The following CHAF1B variants were observed in gnomAD, a reference collection of about 807,000 sequenced individuals.
CHAF1B encodes CAF-1 subunit B.
CHAF1B carries 10 observed loss-of-function variants against 60.7 expected under a neutral mutation model. The ratio of observed to expected loss-of-function variants is 0.16; its 90% CI spans 0.10 to 0.28. CHAF1B has a LOEUF of 0.28. CHAF1B is among the 10% of genes least tolerant of loss of function. The pLI, the probability that CHAF1B is intolerant of heterozygous loss-of-function variation, is 1.00. For synonymous variants in CHAF1B, 261 were observed against 266.1 expected, an observed-to-expected ratio of 0.98 and a Z score of 0.19; for missense variants, 558 against 708.4, an observed-to-expected ratio of 0.79 and a Z score of 2.41.
intron 5 of CHAF1B, among the ~76,000 whole-genome samples, chr21:36,395,456 G>A (rs1216079264): frequency 6.6e-6 from 1 of 152,230 alleles, no homozygotes; most frequent in Non-Finnish European, 1.5e-5. Flanking sequence ...ATTGTCAGAG[G>A]GTAAGAGGCT....
chr21:36,389,800 T>TGTGTGCGCGCGCGCGCGCGCGCGCGC, intron 3 of CHAF1B, among the ~76,000 whole-genome samples: 7 of 124,746 alleles, frequency 5.6e-5, no homozygotes, highest in African/African-American at 2.5e-4. Context: ...TGTGTGTGTG[T>TGTGTGCGCGCGCGCGCGCGCGCGCGC]GCGCGCGCAC....
At chr21:36,413,432 G>A in intron 12 of CHAF1B, 117 bp downstream of exon 12, 1 of 955,002 alleles carries the variant, frequency 1.0e-6, no homozygotes, top group Non-Finnish European at 1.5e-6. Flanking sequence ...CCAGTAGGTT[G>A]CCAGAGAGAT....
intron 1 of CHAF1B, among the ~76,000 whole-genome samples, chr21:36,385,756 CG>C (rs2086025745): frequency 6.6e-6 from 1 of 152,124 alleles, no homozygotes; most frequent in African/African-American, 2.4e-5. Flanking sequence ...GGCCCCTCCC[CG>C]GGCTCTCAGG....
intron 4 of CHAF1B, among the ~76,000 whole-genome samples, chr21:36,393,898 TTTTTG>T (rs1386557256): frequency 1.3e-5 from 2 of 152,018 alleles, no homozygotes; most frequent in Non-Finnish European, 2.9e-5. Flanking sequence ...TAATAATTGC[TTTTTG>T]TTTTGTTTTG....
intron 6 of CHAF1B, chr21:36,397,717 A>AT (rs1569123686): frequency 3.0e-5 from 8 of 263,616 alleles, no homozygotes; most frequent in Admixed American, 5.6e-5. Context: ...TACTTAGTAA[A>AT]TCTTTTTTTT....
intron 4 of CHAF1B, 22 bp from the exon 5 acceptor site, chr21:36,394,524 TC>T (rs1405732501): frequency 7.0e-6 from 11 of 1,566,900 alleles, no homozygotes; most frequent in Non-Finnish European, 9.7e-6. Flanking sequence ...ATTGCTTTTT[TC>T]CTCTTTGTTT....
chr21:36,417,632 A>G lies in CHAF1B; in HGVS notation c.*1266A>G, dbSNP rs1269367810. 6.6e-6 allele frequency: 1 copy of G among 151,792 alleles called. No individual in the cohort carries two copies. Among genetic ancestry groups the G allele is most frequent in the Non-Finnish European group, 1.5e-5 (1 of 67,978 alleles). The allele number at this position is 151,792 out of a possible 1,614,324, so 9.4% of individuals were successfully genotyped here. A position where few individuals can be genotyped will look rare whatever the true frequency, so the allele number is the denominator to read the frequency against. ...GGTGTGAGCTACTGCACCTGGCCTA[A>G]TTATTATATTTTTAGGGGAGACGGG... On this transcript the variant is annotated 3_prime_UTR_variant, in exon 14 of 14. Coordinates refer to ENST00000314103, the MANE Select transcript of CHAF1B (RefSeq NM_005441.3).
chr21:36,386,912 C>T (rs1601554031), intron 2 of CHAF1B, among the ~76,000 whole-genome samples: 1 of 152,096 alleles, frequency 6.6e-6, no homozygotes, highest in Non-Finnish European at 1.5e-5. Flanking sequence ...TGGGGTTTTA[C>T]CATGTTGGCC....
intron 6 of CHAF1B, chr21:36,397,789 A>C: frequency 1.1e-5 from 2 of 180,558 alleles, no homozygotes; most frequent in Non-Finnish European, 1.1e-5. Flanking sequence ...GCGCAATCTC[A>C]CAATCTCAGC....
intron 3 of CHAF1B, among the ~76,000 whole-genome samples, chr21:36,389,804 C>T (rs1218331945): frequency 1.9e-5 from 2 of 105,412 alleles, no homozygotes; most frequent in East Asian, 2.3e-4. Context: ...TGTGTGTGCG[C>T]GCGCACGCTG....
intron 12 of CHAF1B, among the ~76,000 whole-genome samples, chr21:36,413,526 A>G (rs1171971438): frequency 6.6e-6 from 1 of 152,188 alleles, no homozygotes; most frequent in African/African-American, 2.4e-5. Flanking sequence ...GATAAAGCCC[A>G]GGCTCCTATG....
chr21:36,400,484 TAAATAAAAATA>T (rs1412761126), intron 7 of CHAF1B, among the ~76,000 whole-genome samples: 8 of 151,790 alleles, frequency 5.3e-5, no homozygotes, highest in East Asian at 1.9e-4. Context: ...AATAAATAAA[TAAATAAAAATA>T]AAATAAAAAT....
intron 3 of CHAF1B, among the ~76,000 whole-genome samples, chr21:36,389,800 T>TGTGCGCGCGCGCACGCGCGC: frequency 8.0e-6 from 1 of 124,746 alleles, no homozygotes; most frequent in African/African-American, 3.5e-5. Context: ...TGTGTGTGTG[T>TGTGCGCGCGCGCACGCGCGC]GCGCGCGCAC....
At chr21:36,399,423 AC>A in intron 6 of CHAF1B, 97 bp from the exon 7 acceptor site, 4 of 972,572 alleles carry the variant, frequency 4.1e-6, no homozygotes, top group Non-Finnish European at 6.4e-6. Flanking sequence ...CAGGCTGAAA[AC>A]TGTTGCGGTG....
At chr21:36,390,082 C>G (rs2086074408) in intron 3 of CHAF1B, among the ~76,000 whole-genome samples, 1 of 151,926 alleles carries the variant, frequency 6.6e-6, no homozygotes, top group African/African-American at 2.4e-5. Flanking sequence ...GCCTGTAATC[C>G]CAGCACTTTG....
intron 7 of CHAF1B, among the ~76,000 whole-genome samples, chr21:36,401,961 G>A (rs1407725948): frequency 1.3e-5 from 2 of 151,902 alleles, no homozygotes; most frequent in East Asian, 1.9e-4. Context: ...GGCTGGTCTC[G>A]TACTCCTGGA....
intron 7 of CHAF1B, among the ~76,000 whole-genome samples, chr21:36,400,968 A>T (rs539764252): frequency 1.5e-4 from 23 of 152,200 alleles, no homozygotes; most frequent in East Asian, 5.8e-4. Context: ...ACACCTGTGA[A>T]GTAAGAATAG....
chr21:36,388,317 C>T (rs2086052640), intron 3 of CHAF1B, among the ~76,000 whole-genome samples: 1 of 152,172 alleles, frequency 6.6e-6, no homozygotes, highest in Admixed American at 6.6e-5. Flanking sequence ...TGGAAAGGCA[C>T]TTACCATTCT....
chr21:36,396,655 A>G (rs62982361), intron 5 of CHAF1B, among the ~76,000 whole-genome samples: 1 of 142,294 alleles, frequency 7.0e-6, no homozygotes, highest in Non-Finnish European at 1.6e-5. Flanking sequence ...CCCTGTCTCA[A>G]AAAAAAAAGA....
Sources: gnomAD v4.1 joint callset for allele counts (sites outside exome capture counted in the v4.1 genomes callset) on GRCh38, gnomAD v4.1.1 for gene constraint, MANE v1.5 for transcripts, NCBI Gene and HGNC (gene_info 2026-07-23, HGNC 2026-07-21) for gene names.